Variants in PDE4D observed in about 807,000 individuals in gnomAD.
The protein encoded by PDE4D is phosphodiesterase 4D.
In PDE4D, 24 loss-of-function variants were observed where a neutral mutation model predicts 87.4. The observed-to-expected ratio is 0.27, with a 90% CI of 0.20 to 0.39. The LOEUF is 0.39. Ranked by LOEUF, PDE4D falls within the 10% of genes least tolerant of loss-of-function variation. The pLI, the probability that PDE4D is intolerant of heterozygous loss-of-function variation, is 1.00. For synonymous variants in PDE4D, 384 were observed against 383.2 expected, an observed-to-expected ratio of 1.00 and a Z score of -0.02; for missense variants, 714 against 1,041.0, an observed-to-expected ratio of 0.69 and a Z score of 4.32.
At chr5:59,791,742 G>A (rs1765815100) in intron 1 of PDE4D, among the ~76,000 whole-genome samples, 1 of 152,140 alleles carries the variant, frequency 6.6e-6, no homozygotes, top group African/African-American at 2.4e-5. Flanking sequence ...TACAGGTCTA[G>A]GAGGGAGCAG....
chr5:60,325,750 C>G (rs1756725716), intron 1 of PDE4D, among the ~76,000 whole-genome samples: 2 of 152,032 alleles, frequency 1.3e-5, no homozygotes, highest in South Asian at 2.1e-4. Context: ...AGATATAAAA[C>G]AGTTCCATTA....
At chr5:59,997,110 A>G (rs1440617590) in intron 2 of PDE4D, among the ~76,000 whole-genome samples, 2 of 152,196 alleles carry the variant, frequency 1.3e-5, no homozygotes, top group Non-Finnish European at 2.9e-5. Flanking sequence ...TTTTGTAAAT[A>G]GCATTGTACA....
chr5:59,379,422 T>A lies in PDE4D; in HGVS notation c.456-163454A>T, dbSNP rs566406855. On this transcript the variant is annotated intron_variant, in intron 1 of 14. Transcript: ENST00000340635. ...GAAAATTCAGAAAATTAAATTTTTT[T>A]AAAAATCATCTATACCGAGAGGCAA... is the stretch of plus-strand genomic sequence containing the variant. 6.5e-4 allele frequency among the ~76,000 whole-genome samples: 99 copies of A among 152,288 alleles called. 1 individual carries two copies. The highest frequency in any genetic ancestry group is 1.8e-3 in the African/African-American group (73 of 41,576).
chr5:59,358,075 G>A (rs1781664322), intron 1 of PDE4D, among the ~76,000 whole-genome samples: 1 of 152,158 alleles, frequency 6.6e-6, no homozygotes, highest in African/African-American at 2.4e-5. Context: ...TACACCAAGG[G>A]AGTCTTGAAT....
chr5:60,037,614 G>T (rs1313796221), intron 2 of PDE4D, among the ~76,000 whole-genome samples: 1 of 152,122 alleles, frequency 6.6e-6, no homozygotes. Context: ...TGCCCTGGTG[G>T]GGTTTTTGCT....
In PDE4D at chr5:59,523,471, C is replaced by A; in HGVS notation, c.456-307503G>T. ...CCATATCTGTGCTGGAGTTGGTTCA[C>A]TGCACAACATTTCTTACAGGTTTAG... is the stretch of plus-strand genomic sequence containing the variant. On this transcript the variant is annotated intron_variant, in intron 1 of 14. Transcript: ENST00000340635. Among the ~76,000 whole-genome samples, 2 of 152,186 alleles carry A rather than the reference C, an allele frequency of 1.3e-5. 1 individual carries two copies. Among genetic ancestry groups the A allele is most frequent in the Non-Finnish European group, 2.9e-5 (2 of 68,020 alleles).
intron 11 of PDE4D, among the ~76,000 whole-genome samples, chr5:58,980,239 C>T (rs914776097): frequency 6.6e-6 from 1 of 152,126 alleles, no homozygotes; most frequent in Non-Finnish European, 1.5e-5. Context: ...TAGACATACT[C>T]ATATAATCCT....
chr5:59,070,226 C>A (rs1245225677), intron 5 of PDE4D, among the ~76,000 whole-genome samples: 1 of 152,022 alleles, frequency 6.6e-6, no homozygotes, highest in Non-Finnish European at 1.5e-5. Context: ...GAACTTATTA[C>A]AAGAGTGATC....
At chr5:60,140,898 T>C (rs918866673) in intron 2 of PDE4D, among the ~76,000 whole-genome samples, 2 of 152,172 alleles carry the variant, frequency 1.3e-5, no homozygotes, top group African/African-American at 4.8e-5. Context: ...AACTCACTCA[T>C]GTGGGCTTAG....
At chr5:59,140,901 A>G (rs10062176) in intron 5 of PDE4D, among the ~76,000 whole-genome samples, 16,078 of 152,268 alleles carry the variant, frequency 0.11, 1,141 homozygotes, top group Non-Finnish European at 0.15. Context: ...GACTGGCTAG[A>G]GTCAGGAATC....
chr5:59,866,087 T>C (rs1746987903), intron 1 of PDE4D, among the ~76,000 whole-genome samples: 1 of 152,244 alleles, frequency 6.6e-6, no homozygotes, highest in South Asian at 2.1e-4. Flanking sequence ...AATCAACAGT[T>C]CTAGTTTCAG....
intron 1 of PDE4D, among the ~76,000 whole-genome samples, chr5:59,682,975 A>G (rs952839065): frequency 3.9e-5 from 6 of 152,184 alleles, no homozygotes; most frequent in Admixed American, 3.9e-4. Flanking sequence ...GAAAAGCATG[A>G]TTTTGTAATT....
At position 59,111,098 on chromosome 5, in the gene PDE4D, G is replaced by A. The variant is rs529182944; in HGVS notation, c.808+69497C>T. 3.9e-5 allele frequency among the ~76,000 whole-genome samples: 6 copies of A among 152,244 alleles called. No individual in the cohort carries two copies. The East Asian group carries it at 1.2e-3, about 29-fold the overall frequency. ...AGCTACTTTTCTTTAAAGGGAGGGAGGGAACAAATGACCTCTATCCATATG... is the reference window on the plus strand; with the variant it reads ...AGCTACTTTTCTTTAAAGGGAGGGAAGGAACAAATGACCTCTATCCATATG... On this transcript the variant is annotated intron_variant, in intron 5 of 14. Transcript: ENST00000340635.
At chr5:60,147,171 C>A (rs777421094) in intron 2 of PDE4D, among the ~76,000 whole-genome samples, 1 of 152,232 alleles carries the variant, frequency 6.6e-6, no homozygotes, top group Non-Finnish European at 1.5e-5. Context: ...CCATTGATCA[C>A]AGGCAAAGCG....
intron 1 of PDE4D, among the ~76,000 whole-genome samples, chr5:59,426,998 T>C (rs967804406): frequency 1.2e-4 from 15 of 125,210 alleles, no homozygotes; most frequent in East Asian, 1.1e-3. Context: ...CTTGAAGCTA[T>C]ACACACACAC....
chr5:60,223,483 G>T (rs1274005430), intron 1 of PDE4D, among the ~76,000 whole-genome samples: 1 of 152,076 alleles, frequency 6.6e-6, no homozygotes, highest in Non-Finnish European at 1.5e-5. Context: ...TAAGGCAGAA[G>T]TGGTTCATCA....
At chr5:60,281,539 A>G (rs1187366779) in intron 1 of PDE4D, among the ~76,000 whole-genome samples, 3 of 152,202 alleles carry the variant, frequency 2.0e-5, no homozygotes, top group Non-Finnish European at 2.9e-5. Context: ...TGAAATCTTT[A>G]CAAAGAATTA....
At chr5:60,066,542 T>C (rs1772113913) in intron 2 of PDE4D, among the ~76,000 whole-genome samples, 1 of 152,016 alleles carries the variant, frequency 6.6e-6, no homozygotes. Context: ...AATCTTATCA[T>C]TATCAACTCT....
intron 2 of PDE4D, among the ~76,000 whole-genome samples, chr5:60,073,339 C>T (rs1480113619): frequency 6.6e-6 from 1 of 152,016 alleles, no homozygotes; most frequent in Admixed American, 6.6e-5. Flanking sequence ...TTGAACCAAC[C>T]TTGCCTCCCA....
Sources: allele counts gnomAD v4.1 joint callset (sites outside exome capture counted in the v4.1 genomes callset), GRCh38; gene constraint gnomAD v4.1.1; transcripts MANE v1.5; gene names NCBI Gene and HGNC (gene_info 2026-07-23, HGNC 2026-07-21).